Variants in SRMS observed in about 807,000 individuals in gnomAD.
The protein encoded by SRMS is tyrosine-protein kinase Srms.
Under a neutral mutation model 43.5 loss-of-function variants are expected in SRMS, and 42 were observed. The ratio of observed to expected loss-of-function variants is 0.97; its 90% CI spans 0.75 to 1.25. The LOEUF (loss-of-function observed/expected upper bound fraction) is 1.25, where lower values mean the gene tolerates loss of function less well. Ranked by LOEUF, SRMS falls within the 50% of genes most tolerant of loss-of-function variation. The pLI, the probability that SRMS is intolerant of heterozygous loss-of-function variation, is 0.00. For synonymous variants in SRMS, 316 were observed against 308.2 expected (o/e 1.03, Z -0.27); for missense variants, 703 against 681.0 (o/e 1.03, Z -0.36).
At chr20:63,541,135 G>A in intron 7 of SRMS, 56 bp downstream of exon 7, 1 of 1,550,366 alleles carries the variant, frequency 6.5e-7, no homozygotes, top group Non-Finnish European at 8.7e-7. Flanking sequence ...CCAGGCCCGG[G>A]GCCAGTGACT....
chr20:63,541,049 T>C lies in SRMS; in HGVS notation c.1286-50A>G, dbSNP rs377506222. ...CCTCGATTCTGCCTGGGGGTCCCTA[T>C]GGAGGAGGCCTCCTGTAGCCCCCCA... On this transcript the variant is annotated intron_variant, in intron 7 of 7. Coordinates refer to ENST00000217188, the MANE Select transcript of SRMS (RefSeq NM_080823.4). 11 of 1,601,760 alleles carry C rather than the reference T, an allele frequency of 6.9e-6. No homozygotes were observed. In the African/African-American group the frequency reaches 1.5e-4, roughly 22 times the overall value.
In SRMS at chr20:63,539,217, G is replaced by C. The variant is rs970707215; in HGVS notation, c.*1601C>G. On this transcript the variant is annotated 3_prime_UTR_variant, in exon 8 of 8. Transcript: ENST00000217188. Reference sequence around the variant, plus strand: ...ATAAAGCCTCTTGCCTCCACCATCTGCAGGGGTCCTGGTTCCTGCTGCTTC... The same window carrying C: ...ATAAAGCCTCTTGCCTCCACCATCTCCAGGGGTCCTGGTTCCTGCTGCTTC... Among the ~76,000 whole-genome samples, 2 of 152,202 alleles carry C rather than the reference G, an allele frequency of 1.3e-5. No individual in the cohort carries two copies. Among genetic ancestry groups the C allele is most frequent in the Non-Finnish European group, 2.9e-5 (2 of 68,018 alleles).
At chr20:63,545,351 G>T (rs944011180) in intron 1 of SRMS, among the ~76,000 whole-genome samples, 5 of 152,198 alleles carry the variant, frequency 3.3e-5, no homozygotes, top group Non-Finnish European at 7.3e-5. Flanking sequence ...GAGCTTCCTG[G>T]GACCCGGAGA....
chr20:63,539,517 G>A lies in SRMS; in HGVS notation c.*1301C>T, dbSNP rs904049449. 1.3e-5 allele frequency among the ~76,000 whole-genome samples: 2 copies of A among 152,206 alleles called. No homozygotes were observed. Among genetic ancestry groups the A allele is most frequent in the African/African-American group, 4.8e-5 (2 of 41,440 alleles). ...ACTTGTCTCCAAACTTTCTGTCCCC[G>A]AAAGCCTTCTGGGCACAGCTGCCAA... On this transcript the variant is annotated 3_prime_UTR_variant, in exon 8 of 8. Transcript: ENST00000217188.
In SRMS at chr20:63,544,288, G is replaced by A. The variant is rs367564990; in HGVS notation, c.417C>T (p.Asn139=). 2.5e-5 allele frequency: 37 copies of A among 1,483,042 alleles called. No homozygotes were observed. Among genetic ancestry groups the A allele is most frequent in the African/African-American group, 2.2e-4 (15 of 68,760 alleles). The allele number at this position is 1,483,042 out of a possible 1,614,324, so 91.9% of individuals were successfully genotyped here. ...QAQQLLLSPP[N]EPGAFLIRPS... The stretch of plus-strand genomic sequence containing the variant: ...GCCGGATGAGGAAGGCCCCTGGTTC[G>A]TTGGGTGGGGAGAGGAGCAGCTGCT... Residue 139 remains asparagine (N), a synonymous_variant, in exon 2 of 8, where the codon AAC becomes AAT. Transcript: ENST00000217188.
Position 63,541,356 on chromosome 20 carries a change from G to A in SRMS, c.1129-9C>T, listed in dbSNP as rs776370397. Reference sequence around the variant, plus strand: ...GGGGAGTAGATGTCGTCCTGGGGGCGAGGGAAGGCCCCTGGTAGGGCAGGT... The same window carrying A: ...GGGGAGTAGATGTCGTCCTGGGGGCAAGGGAAGGCCCCTGGTAGGGCAGGT... On this transcript the variant is annotated splice_polypyrimidine_tract_variant and intron_variant, in intron 6 of 7. Coordinates refer to ENST00000217188, the MANE Select transcript of SRMS (RefSeq NM_080823.4). 7.1e-6 allele frequency: 11 copies of A among 1,541,626 alleles called. No individual in the cohort carries two copies. Among genetic ancestry groups the A allele is most frequent in the East Asian group, 2.3e-5 (1 of 44,106 alleles).
chr20:63,547,138 T>C lies in SRMS; in HGVS notation c.326A>G (p.Lys109Arg), dbSNP rs769509150. ...AGLVPITHVAKASPETLSDQP... is the reference protein window; with the variant it reads ...AGLVPITHVARASPETLSDQP... ...GTCTGAGAGCGTCTCAGGAGAAGCC[T>C]TGGCCACGTGGGTGATGGGCACGAG... The change falls in exon 1 of 8, where the codon AAG becomes AGG. Residue 109 changes from lysine (K) to arginine (R), a missense_variant. Coordinates refer to ENST00000217188, the MANE Select transcript of SRMS (RefSeq NM_080823.4). 2.5e-6 allele frequency: 4 copies of C among 1,603,882 alleles called. No individual in the cohort carries two copies. Among genetic ancestry groups the C allele is most frequent in the Non-Finnish European group, 3.4e-6 (4 of 1,175,020 alleles).
At chr20:63,546,993 G>A (rs1376907487) in intron 1 of SRMS, 115 bp downstream of exon 1, 16 of 987,174 alleles carry the variant, frequency 1.6e-5, no homozygotes, top group African/African-American at 3.4e-5. Context: ...GTGGATGAAC[G>A]AATGAATGAA....
chr20:63,542,333 G>A lies in SRMS; in HGVS notation c.788-12C>T, dbSNP rs759561375. ...GAGCTTCATGTTGGCTGCGAGAGAG[G>A]GTGTGGCTCCAGGACCGGCCCACGC... On this transcript the variant is annotated splice_polypyrimidine_tract_variant and intron_variant, in intron 4 of 7. Transcript: ENST00000217188. The A allele has an allele frequency of 1.9e-5, 31 of 1,604,354 alleles. No individual in the cohort carries two copies. The highest frequency in any genetic ancestry group is 2.6e-5 in the Non-Finnish European group (31 of 1,173,300).
chr20:63,544,429 G>C, intron 1 of SRMS, 81 bp from the exon 2 acceptor site: 1 of 1,375,304 alleles, frequency 7.3e-7, no homozygotes, highest in Non-Finnish European at 9.4e-7. Context: ...TTGCCGGCAG[G>C]GCTGAGCCCG....
In SRMS at chr20:63,543,315, TGGGGCATGCAGGGCTGCAGCAGG is replaced by T; in HGVS notation, c.621_643del (p.Leu208GlufsTer23). 6.2e-7 allele frequency: 1 copy of T among 1,612,208 alleles called. No individual in the cohort carries two copies. Among genetic ancestry groups the T allele is most frequent in the Non-Finnish European group, 8.5e-7 (1 of 1,179,836 alleles). On this transcript the variant is annotated frameshift_variant and splice_region_variant, in exon 3 of 8. Coordinates refer to ENST00000217188, the MANE Select transcript of SRMS (RefSeq NM_080823.4). LOFTEE classifies it high-confidence loss of function. ...GCAGCTTGGCAGGCACAGGCCCACC[TGGGGCATGCAGGGCTGCAGCAGG>T]GGGTTCTGGATCAGCTTCCAGTTGG...
At position 63,542,429 on chromosome 20, in the gene SRMS, C is replaced by T. The variant is rs781764803; in HGVS notation, c.787+11G>A. The T allele has an allele frequency of 3.7e-6, 6 of 1,608,050 alleles. No homozygotes were observed. The African/African-American group carries it at 5.3e-5, about 14-fold the overall frequency. On this transcript the variant is annotated intron_variant, in intron 4 of 7. Coordinates refer to ENST00000217188, the MANE Select transcript of SRMS (RefSeq NM_080823.4). Reference sequence around the variant, plus strand: ...GGGGCCCGGCCGTGGCGCAGGATCTCGGGGCCTCACCTGACTTGATGACCT... The same window carrying T: ...GGGGCCCGGCCGTGGCGCAGGATCTTGGGGCCTCACCTGACTTGATGACCT...
Position 63,538,980 on chromosome 20 carries a change from C to A in SRMS, c.*1838G>T, listed in dbSNP as rs915392580. Among the ~76,000 whole-genome samples, 1 of 152,168 alleles carries A rather than the reference C, an allele frequency of 6.6e-6. No homozygotes were observed. Among genetic ancestry groups the A allele is most frequent in the Non-Finnish European group, 1.5e-5 (1 of 68,000 alleles). On this transcript the variant is annotated 3_prime_UTR_variant, in exon 8 of 8. Coordinates refer to ENST00000217188, the MANE Select transcript of SRMS (RefSeq NM_080823.4). ...GGAGGGCACAGGTGCCACAGACACACCTGGTCCCCTTAATCCCAGTGGCGG... is the reference window on the plus strand; with the variant it reads ...GGAGGGCACAGGTGCCACAGACACAACTGGTCCCCTTAATCCCAGTGGCGG...
intron 1 of SRMS, among the ~76,000 whole-genome samples, chr20:63,546,750 C>T (rs1199033098): frequency 2.0e-5 from 3 of 152,158 alleles, no homozygotes; most frequent in Non-Finnish European, 2.9e-5. Context: ...AAGCAGTGAC[C>T]GATCCATGAA....
chr20:63,544,368 C>G lies in SRMS; in HGVS notation c.357-20G>C. On this transcript the variant is annotated intron_variant, in intron 1 of 7. Transcript: ENST00000217188. ...TACCAGCTGCAAACAGCAGGTGCGG[C>G]AGTCACCTTGCAGGCCCCTCAGCCA... The G allele has an allele frequency of 6.9e-7, 1 of 1,458,900 alleles. No homozygotes were observed. The highest frequency in any genetic ancestry group is 9.0e-7 in the Non-Finnish European group (1 of 1,107,862). The allele number at this position is 1,458,900 out of a possible 1,614,324, so 90.4% of individuals were successfully genotyped here.
chr20:63,546,592 G>A (rs1186098406), intron 1 of SRMS, among the ~76,000 whole-genome samples: 9 of 121,592 alleles, frequency 7.4e-5, no homozygotes, highest in Non-Finnish European at 1.1e-4. Flanking sequence ...TCAGCCCCCA[G>A]CCCCTGCTCA....
At chr20:63,542,656 AG>A in intron 3 of SRMS, 75 bp from the exon 4 acceptor site, 1 of 1,490,470 alleles carries the variant, frequency 6.7e-7, no homozygotes, top group Non-Finnish European at 8.9e-7. Flanking sequence ...CCCCCACACC[AG>A]GCCTCTGGCG....
intron 1 of SRMS, among the ~76,000 whole-genome samples, chr20:63,546,733 G>C (rs1035413385): frequency 6.6e-6 from 1 of 151,494 alleles, no homozygotes; most frequent in Admixed American, 6.6e-5. Context: ...CCCAGCCCCT[G>C]CCCTCCAAGC....
At chr20:63,543,506 C>G (rs781283552) in intron 2 of SRMS, 26 bp from the exon 3 acceptor site, 6 of 1,606,948 alleles carry the variant, frequency 3.7e-6, no homozygotes, top group African/African-American at 2.7e-5. Flanking sequence ...AGATGGAGAC[C>G]CCTGCCTTGG....
Sources: gnomAD v4.1 joint callset for allele counts (sites outside exome capture counted in the v4.1 genomes callset) on GRCh38, gnomAD v4.1.1 for gene constraint, MANE v1.5 for transcripts, NCBI Gene and HGNC (gene_info 2026-07-23, HGNC 2026-07-21) for gene names.